TBC1D16: variants seen among roughly 807,000 people sequenced by gnomAD.
The protein encoded by TBC1D16 is CTD-2529O21.1.
Under a neutral mutation model 74.7 loss-of-function variants are expected in TBC1D16, and 58 were observed. The observed-to-expected ratio is 0.78, with a 90% CI of 0.63 to 0.97. The LOEUF (loss-of-function observed/expected upper bound fraction) is 0.97, where lower values mean the gene tolerates loss of function less well. Among genes scored for constraint, TBC1D16 ranks in the 50% least tolerant of loss-of-function variants. The pLI, the probability that TBC1D16 is intolerant of heterozygous loss-of-function variation, is 0.00. For synonymous variants in TBC1D16, 493 were observed against 474.7 expected, an observed-to-expected ratio of 1.04 and a Z score of -0.50; for missense variants, 1,014 against 1,079.5, an observed-to-expected ratio of 0.94 and a Z score of 0.85.
rs1315587441 is a variant in TBC1D16 at position 79,944,420 on chromosome 17, A to G, written c.1908+488T>C. 1.3e-5 allele frequency among the ~76,000 whole-genome samples: 2 copies of G among 152,152 alleles called. No homozygotes were observed. Among genetic ancestry groups the G allele is most frequent in the African/African-American group, 4.8e-5 (2 of 41,444 alleles). ...GCTGAGAAGATGCTGGTGACGGTGG[A>G]CGGAGAGTGGAAGTCGGTATCACTG... On this transcript the variant is annotated intron_variant, in intron 10 of 11. Coordinates refer to ENST00000310924, the MANE Select transcript of TBC1D16 (RefSeq NM_019020.4). This position sits in a 1 kb window ranked among gnomAD's most constrained non-coding sequence, Gnocchi z 7.7.
chr17:80,001,842 C>T lies in TBC1D16; in HGVS notation c.779+8318G>A, dbSNP rs1228065192. 6.6e-6 allele frequency among the ~76,000 whole-genome samples: 1 copy of T among 151,788 alleles called. No individual in the cohort carries two copies. Among genetic ancestry groups the T allele is most frequent in the Non-Finnish European group, 1.5e-5 (1 of 67,920 alleles). ...CCTGGACCCTCTCACATGCCCTTCCCTCCACCCCCCGCCTCCTGCTCCCTT... is the reference window on the plus strand; with the variant it reads ...CCTGGACCCTCTCACATGCCCTTCCTTCCACCCCCCGCCTCCTGCTCCCTT... On this transcript the variant is annotated intron_variant, in intron 3 of 11. Transcript: ENST00000310924. This position sits in a 1 kb window ranked among gnomAD's most constrained non-coding sequence, Gnocchi z 5.8.
rs1052011324 is a variant in TBC1D16 at position 80,018,380 on chromosome 17, C to T, written c.-62-4771G>A. 1.3e-4 allele frequency among the ~76,000 whole-genome samples: 20 copies of T among 149,216 alleles called. 1 individual carries two copies. The highest frequency in any genetic ancestry group is 4.6e-4 in the African/African-American group (18 of 38,790). Reference sequence around the variant, plus strand: ...CACTGCAAGCTCCGCCTCCCAGGTTCACGCCATTCTCCTGCTTCAGCCTCC... The same window carrying T: ...CACTGCAAGCTCCGCCTCCCAGGTTTACGCCATTCTCCTGCTTCAGCCTCC... On this transcript the variant is annotated intron_variant, in intron 1 of 11. Coordinates refer to ENST00000310924, the MANE Select transcript of TBC1D16 (RefSeq NM_019020.4).
At chr17:80,026,517 G>T (rs1235790194) in intron 1 of TBC1D16, among the ~76,000 whole-genome samples, 2 of 149,836 alleles carry the variant, frequency 1.3e-5, no homozygotes, top group Admixed American at 1.3e-4. Context: ...CATCCAAAGA[G>T]GTGTGGAGGA....
At chr17:80,024,374 CA>C (rs2036415431) in intron 1 of TBC1D16, among the ~76,000 whole-genome samples, 2 of 149,480 alleles carry the variant, frequency 1.3e-5, no homozygotes, top group Non-Finnish European at 2.9e-5. Flanking sequence ...ACACCACAGA[CA>C]CACACACCAT....
In TBC1D16 at chr17:79,993,756, A is replaced by C. The variant is rs987295467; in HGVS notation, c.779+16404T>G. The C allele has an allele frequency of 6.6e-6, 1 of 152,204 alleles. No homozygotes were observed. The highest frequency in any genetic ancestry group is 1.5e-5 in the Non-Finnish European group (1 of 68,032). 9.4% of individuals were successfully genotyped at this position (152,204 alleles called of 1,614,324 possible). A position where few individuals can be genotyped will look rare whatever the true frequency, so the allele number is the denominator to read the frequency against. ...GTGACCTCATGCTCAGAGCTCTCAG[A>C]AGCTCACGTGGCCTGTGAGGCCCCT... On this transcript the variant is annotated intron_variant, in intron 3 of 11. Coordinates refer to ENST00000310924, the MANE Select transcript of TBC1D16 (RefSeq NM_019020.4). The surrounding 1 kb of genome is among the most constrained non-coding windows in gnomAD (Gnocchi z 5.1).
chr17:80,006,957 G>A (rs537707734), intron 3 of TBC1D16, among the ~76,000 whole-genome samples: 81 of 152,114 alleles, frequency 5.3e-4, no homozygotes, highest in Non-Finnish European at 1.0e-3. Context: ...CACAGTGCCC[G>A]GCCTCCATAT....
intron 9 of TBC1D16, 46 bp downstream of exon 9, chr17:79,947,599 C>T (rs777279916): frequency 1.0e-4 from 166 of 1,595,048 alleles, no homozygotes; most frequent in Admixed American, 1.3e-4. Flanking sequence ...AGAGGCAACA[C>T]GGGCCCTCAC....
At position 79,981,760 on chromosome 17, in the gene TBC1D16, G is replaced by A. The variant is rs2034592364; in HGVS notation, c.779+28400C>T. On this transcript the variant is annotated intron_variant, in intron 3 of 11. Coordinates refer to ENST00000310924, the MANE Select transcript of TBC1D16 (RefSeq NM_019020.4). The surrounding 1 kb of genome is among the most constrained non-coding windows in gnomAD (Gnocchi z 6.9). ...TCTTCTGTAATCTCAGCAAGAACGT[G>A]CTCACTGCACATAACGCTGAACCTG... Among the ~76,000 whole-genome samples the A allele has an allele frequency of 6.6e-6, 1 of 152,238 alleles. No individual in the cohort carries two copies. The highest frequency in any genetic ancestry group is 2.1e-4 in the South Asian group (1 of 4,838).
In TBC1D16 at chr17:79,973,061, A is replaced by G. The variant is rs535846406; in HGVS notation, c.780-20243T>C. Among the ~76,000 whole-genome samples, 63 of 152,348 alleles carry G rather than the reference A, an allele frequency of 4.1e-4. 1 individual carries two copies. The highest frequency in any genetic ancestry group is 1.4e-3 in the African/African-American group (59 of 41,582). Reference sequence around the variant, plus strand: ...CGTCCTGCTACATTCCAGCCTGGGCAACAGAGCGAGACTTCGTCTCAAAAC... The same window carrying G: ...CGTCCTGCTACATTCCAGCCTGGGCGACAGAGCGAGACTTCGTCTCAAAAC... On this transcript the variant is annotated intron_variant, in intron 3 of 11. Coordinates refer to ENST00000310924, the MANE Select transcript of TBC1D16 (RefSeq NM_019020.4).
rs756881247 is a variant in TBC1D16 at position 79,941,015 on chromosome 17, G to A, written c.2148C>T (p.Asp716=). 21 of 1,608,092 alleles carry A rather than the reference G, an allele frequency of 1.3e-5. No homozygotes were observed. Among genetic ancestry groups the A allele is most frequent in the African/African-American group, 2.7e-5 (2 of 74,804 alleles). The stretch of plus-strand genomic sequence containing the variant: ...ACTCCACCGCGGGCATGGAGCCGCT[G>A]TCCCACATGCCTGACCCGCACAGCT... ...LCKLCGSGMW[D]SGSMPAVECT... Residue 716 remains aspartate (D), a synonymous_variant, in exon 12 of 12, where the codon GAC becomes GAT. Coordinates refer to ENST00000310924, the MANE Select transcript of TBC1D16 (RefSeq NM_019020.4). The surrounding 1 kb of genome is among the most constrained non-coding windows in gnomAD (Gnocchi z 4.3).
rs2033602528 is a variant in TBC1D16 at position 79,961,264 on chromosome 17, G to C, written c.780-8446C>G. ...GAGAAGATACTCAGCATCCTCTGTA[G>C]TCAGGAAAATGCAAATTAAAACCAC... is the stretch of plus-strand genomic sequence containing the variant. On this transcript the variant is annotated intron_variant, in intron 3 of 11. Coordinates refer to ENST00000310924, the MANE Select transcript of TBC1D16 (RefSeq NM_019020.4). The surrounding 1 kb of genome is among the most constrained non-coding windows in gnomAD (Gnocchi z 4.8). Among the ~76,000 whole-genome samples, 1 of 152,188 alleles carries C rather than the reference G, an allele frequency of 6.6e-6. No individual in the cohort carries two copies. Among genetic ancestry groups the C allele is most frequent in the Admixed American group, 6.5e-5 (1 of 15,274 alleles).
At position 79,944,778 on chromosome 17, in the gene TBC1D16, C is replaced by T; in HGVS notation, c.1908+130G>A. On this transcript the variant is annotated intron_variant, in intron 10 of 11. Transcript: ENST00000310924. This position sits in a 1 kb window ranked among gnomAD's most constrained non-coding sequence, Gnocchi z 7.7. Reference sequence around the variant, plus strand: ...GCCACGTGGGACGGGAAGGCAGTCGCCGTATGGGGGGCTAATGTGTGGCTG... The same window carrying T: ...GCCACGTGGGACGGGAAGGCAGTCGTCGTATGGGGGGCTAATGTGTGGCTG... 1 of 847,512 alleles carries T rather than the reference C, an allele frequency of 1.2e-6. No individual in the cohort carries two copies. The highest frequency in any genetic ancestry group is 1.8e-6 in the Non-Finnish European group (1 of 564,702). The allele number at this position is 847,512 out of a possible 1,614,324, so 52.5% of individuals were successfully genotyped here.
chr17:80,017,277 T>C (rs985046056), intron 1 of TBC1D16, among the ~76,000 whole-genome samples: 8 of 152,120 alleles, frequency 5.3e-5, no homozygotes, highest in African/African-American at 1.9e-4. Flanking sequence ...CAGTAAATGA[T>C]GGGCATGACT....
intron 4 of TBC1D16, 21 bp downstream of exon 4, chr17:79,952,636 G>A (rs752592451): frequency 4.4e-6 from 7 of 1,577,112 alleles, no homozygotes; most frequent in South Asian, 1.1e-5. Flanking sequence ...CTCCCAGGAG[G>A]CGCCCAGAGA....
At chr17:79,973,876 C>T (rs2034220413) in intron 3 of TBC1D16, among the ~76,000 whole-genome samples, 1 of 152,074 alleles carries the variant, frequency 6.6e-6, no homozygotes, top group Admixed American at 6.5e-5. Flanking sequence ...AAACCAAAAC[C>T]CTCCCCCAAA....
At position 80,000,230 on chromosome 17, in the gene TBC1D16, C is replaced by T. The variant is rs1485166804; in HGVS notation, c.779+9930G>A. Among the ~76,000 whole-genome samples, 3 of 152,180 alleles carry T rather than the reference C, an allele frequency of 2.0e-5. No individual in the cohort carries two copies. ...CGGTGAACAGTGCTCCCCCAAGATT[C>T]ATGTCCACACAGAAGCTCCCAATGT... is the stretch of plus-strand genomic sequence containing the variant. On this transcript the variant is annotated intron_variant, in intron 3 of 11. Coordinates refer to ENST00000310924, the MANE Select transcript of TBC1D16 (RefSeq NM_019020.4). The surrounding 1 kb of genome is among the most constrained non-coding windows in gnomAD (Gnocchi z 4.1).
intron 10 of TBC1D16, among the ~76,000 whole-genome samples, chr17:79,943,677 A>G (rs2032243819): frequency 6.6e-6 from 1 of 151,602 alleles, no homozygotes; most frequent in Non-Finnish European, 1.5e-5. Flanking sequence ...GACTTCCAAC[A>G]CAATGGCAGC....
intron 9 of TBC1D16, among the ~76,000 whole-genome samples, chr17:79,945,972 T>G (rs1230661986): frequency 6.6e-6 from 1 of 152,206 alleles, no homozygotes. Context: ...CTCCGCCCTG[T>G]GGCCTACGGC....
At position 79,985,090 on chromosome 17, in the gene TBC1D16, G is replaced by A. The variant is rs996306882; in HGVS notation, c.779+25070C>T. Reference sequence around the variant, plus strand: ...AAAGTCAAGGTGCTAGTCGGGCCGCGCCCCCTCTGAAGGCTCCAGGCAAGA... The same window carrying A: ...AAAGTCAAGGTGCTAGTCGGGCCGCACCCCCTCTGAAGGCTCCAGGCAAGA... On this transcript the variant is annotated intron_variant, in intron 3 of 11. Transcript: ENST00000310924. This position sits in a 1 kb window ranked among gnomAD's most constrained non-coding sequence, Gnocchi z 4.9. Among the ~76,000 whole-genome samples the A allele has an allele frequency of 2.6e-5, 4 of 152,072 alleles. No homozygotes were observed. Among genetic ancestry groups the A allele is most frequent in the African/African-American group, 4.8e-5 (2 of 41,380 alleles).
Sources: gnomAD v4.1 joint callset for allele counts (sites outside exome capture counted in the v4.1 genomes callset) on GRCh38, gnomAD v4.1.1 for gene constraint, Gnocchi (gnomAD v3.1) non-coding constraint, MANE v1.5 for transcripts, NCBI Gene and HGNC (gene_info 2026-07-23, HGNC 2026-07-21) for gene names.